Variants in ZNF483 observed in about 807,000 individuals in gnomAD.
The protein encoded by ZNF483 is zinc finger protein 483, also known as zinc finger protein HIT-10.
ZNF483 carries 9 observed loss-of-function variants against 28.6 expected under a neutral mutation model. That is an observed-to-expected ratio of 0.32 (90% CI 0.19 to 0.55). The LOEUF (loss-of-function observed/expected upper bound fraction) is 0.55. ZNF483 is among the 20% of genes least tolerant of loss of function. The pLI is 0.93. For synonymous variants in ZNF483, 322 were observed against 306.2 expected, an observed-to-expected ratio of 1.05 and a Z score of -0.54; for missense variants, 675 against 871.7, an observed-to-expected ratio of 0.77 and a Z score of 2.84.
rs542300305 is a variant in ZNF483 at position 111,552,828 on chromosome 9, C to G, written c.*9658C>G. Among the ~76,000 whole-genome samples the G allele has an allele frequency of 6.6e-6, 1 of 152,188 alleles. No individual in the cohort carries two copies. The highest frequency in any genetic ancestry group is 1.9e-4 in the East Asian group (1 of 5,192). ...AATATTCTATTAGCAAAAATATATT[C>G]TGTTCATGTATATCCAAGAGCAAAA... On this transcript the variant is annotated 3_prime_UTR_variant, in exon 6 of 6. Coordinates refer to ENST00000309235, the MANE Select transcript of ZNF483 (RefSeq NM_133464.5).
chr9:111,561,764 G>A (rs756599033), intron 5 of ZNF483, among the ~76,000 whole-genome samples: 58 of 151,246 alleles, frequency 3.8e-4, no homozygotes, highest in Non-Finnish European at 5.3e-4. Context: ...ATTTCTTCTG[G>A]CATAATCACA....
intron 4 of ZNF483, among the ~76,000 whole-genome samples, 179 bp from the exon 5 acceptor site, chr9:111,534,082 A>G (rs1199109252): frequency 6.6e-6 from 1 of 152,198 alleles, no homozygotes; most frequent in Non-Finnish European, 1.5e-5. Flanking sequence ...GTGAAGCATC[A>G]TTTTGATTTC....
At chr9:111,555,655 A>G (rs183818880), downstream of ZNF483, among the ~76,000 whole-genome samples, 99 of 152,264 alleles carry the variant, frequency 6.5e-4, 5 homozygotes, top group East Asian at 0.018. Context: ...ACATCTTCAC[A>G]TGGCAGCAGG....
At chr9:111,575,132 C>A (rs1281770962) in intron 5 of ZNF483, among the ~76,000 whole-genome samples, 2 of 152,092 alleles carry the variant, frequency 1.3e-5, no homozygotes, top group Non-Finnish European at 2.9e-5. Flanking sequence ...AAAATCCTGT[C>A]TCTACTAAAG....
chr9:111,576,474 C>T, exon 6 of ZNF483: 1 of 1,609,604 alleles, frequency 6.2e-7, no homozygotes, highest in Non-Finnish European at 8.5e-7. Flanking sequence ...GATGGGGCCA[C>T]TGCAGTGCAG....
chr9:111,559,696 G>C (rs1828220559), downstream of ZNF483, among the ~76,000 whole-genome samples: 1 of 152,044 alleles, frequency 6.6e-6, no homozygotes, highest in Admixed American at 6.6e-5. Context: ...CAGGCAGCCA[G>C]CCTCGGTGCA....
At chr9:111,561,402 A>G (rs1387840922) in intron 5 of ZNF483, among the ~76,000 whole-genome samples, 1 of 152,002 alleles carries the variant, frequency 6.6e-6, no homozygotes, top group African/African-American at 2.4e-5. Context: ...CAGCCTCCCA[A>G]GTAGCTGGGA....
chr9:111,553,968 G>A lies in ZNF483; in HGVS notation c.*10798G>A, dbSNP rs1047994925. ...CTGTGTGGAGCACATAACTTCCAACGTCCCAGAGGCAGGGAAAGGAAGAAC... is the reference window on the plus strand; with the variant it reads ...CTGTGTGGAGCACATAACTTCCAACATCCCAGAGGCAGGGAAAGGAAGAAC... On this transcript the variant is annotated 3_prime_UTR_variant, in exon 6 of 6. Transcript: ENST00000309235. Among the ~76,000 whole-genome samples, 11 of 152,152 alleles carry A rather than the reference G, an allele frequency of 7.2e-5. No homozygotes were observed. The highest frequency in any genetic ancestry group is 1.0e-4 in the Non-Finnish European group (7 of 68,034).
rs181916993 is a variant in ZNF483 at position 111,551,469 on chromosome 9, G to T, written c.*8299G>T. Among the ~76,000 whole-genome samples, 2 of 130,308 alleles carry T rather than the reference G, an allele frequency of 1.5e-5. No homozygotes were observed. The highest frequency in any genetic ancestry group is 8.9e-5 in the Admixed American group (1 of 11,174). 85.5% of individuals were successfully genotyped at this position (130,308 alleles called of 152,430 possible). A position where few individuals can be genotyped will look rare whatever the true frequency, so the allele number is the denominator to read the frequency against. On this transcript the variant is annotated 3_prime_UTR_variant, in exon 6 of 6. Transcript: ENST00000309235. The stretch of plus-strand genomic sequence containing the variant: ...GTTGCCCAGGCTGGAGTGCAGTGGC[G>T]CAATCTTGGTCCACTGCAACCTCCG...
intron 3 of ZNF483, among the ~76,000 whole-genome samples, chr9:111,531,341 T>A (rs887194133): frequency 1.3e-5 from 2 of 151,412 alleles, no homozygotes; most frequent in African/African-American, 4.9e-5. Context: ...GTTACCACTA[T>A]TAAAATTAGT....
chr9:111,536,355 T>TA (rs1287924725), intron 5 of ZNF483, among the ~76,000 whole-genome samples: 1 of 150,298 alleles, frequency 6.7e-6, no homozygotes, highest in Non-Finnish European at 1.5e-5. Flanking sequence ...CCGTCTCTAC[T>TA]AAAAATACAA....
intron 1 of ZNF483, among the ~76,000 whole-genome samples, chr9:111,525,856 G>A (rs1196859037): frequency 6.6e-6 from 1 of 152,090 alleles, no homozygotes; most frequent in Non-Finnish European, 1.5e-5. Context: ...TGTGTGCCGG[G>A]CGCTGTACTC....
Position 111,549,622 on chromosome 9 carries a change from T to C in ZNF483, c.*6452T>C. ...GCTTTGCTAAACCTACCTGTAGCTCTTCTGGGGCAGCGGTCGTGGTGGTGG... is the reference window on the plus strand; with the variant it reads ...GCTTTGCTAAACCTACCTGTAGCTCCTCTGGGGCAGCGGTCGTGGTGGTGG... On this transcript the variant is annotated 3_prime_UTR_variant, in exon 6 of 6. Coordinates refer to ENST00000309235, the MANE Select transcript of ZNF483 (RefSeq NM_133464.5). 9.7e-7 allele frequency: 1 copy of C among 1,027,800 alleles called. No homozygotes were observed. Among genetic ancestry groups the C allele is most frequent in the Non-Finnish European group, 1.4e-6 (1 of 698,772 alleles). 63.7% of individuals were successfully genotyped at this position (1,027,800 alleles called of 1,614,324 possible).
intron 2 of ZNF483, 94 bp from the exon 3 acceptor site, chr9:111,530,781 A>ATATATATATG (rs1827315526): frequency 1.3e-5 from 1 of 78,656 alleles, no homozygotes; most frequent in Non-Finnish European, 2.6e-5. Flanking sequence ...ATATATATAT[A>ATATATATATG]TATATATATA....
chr9:111,534,329 G>A lies in ZNF483; in HGVS notation c.697G>A (p.Glu233Lys). ...GGTTGAATTGCCATGGCTGCTGGAA[G>A]AAGTCTCAAAAAGCTCCCGACTAGG... ...KWVELPWLLE[E>K]VSKSSRLDES... Residue 233 changes from glutamate (E) to lysine (K), a missense_variant, in exon 5 of 6, where the codon GAA (glutamate) becomes AAA (lysine). Glu to Lys is a moderately conservative substitution (Grantham distance 56). Coordinates refer to ENST00000309235, the MANE Select transcript of ZNF483 (RefSeq NM_133464.5). 6.2e-7 allele frequency: 1 copy of A among 1,614,152 alleles called. No individual in the cohort carries two copies. Among genetic ancestry groups the A allele is most frequent in the Non-Finnish European group, 8.5e-7 (1 of 1,180,020 alleles).
At position 111,554,316 on chromosome 9, in the gene ZNF483, C is replaced by A. The variant is rs1221200075; in HGVS notation, c.*11146C>A. Among the ~76,000 whole-genome samples, 1 of 152,180 alleles carries A rather than the reference C, an allele frequency of 6.6e-6. No individual in the cohort carries two copies. Among genetic ancestry groups the A allele is most frequent in the Non-Finnish European group, 1.5e-5 (1 of 68,028 alleles). On this transcript the variant is annotated 3_prime_UTR_variant, in exon 6 of 6. Coordinates refer to ENST00000309235, the MANE Select transcript of ZNF483 (RefSeq NM_133464.5). ...TCAACCTCTGTCTTAGAAGTCACTT[C>A]TACTCTTCCGTTGCCCAGAGATCAA...
intron 5 of ZNF483, among the ~76,000 whole-genome samples, chr9:111,535,602 G>A (rs1454481455): frequency 1.3e-5 from 2 of 152,156 alleles, no homozygotes; most frequent in Non-Finnish European, 2.9e-5. Context: ...GGAGTGCAGT[G>A]GTGCAGTCTC....
At chr9:111,561,296 C>T (rs1479290667) in intron 5 of ZNF483, among the ~76,000 whole-genome samples, 1 of 151,406 alleles carries the variant, frequency 6.6e-6, no homozygotes, top group East Asian at 1.9e-4. Context: ...TTTTTTTAGA[C>T]ACAGGGTCTT....
At chr9:111,557,101 A>G (rs1410326901), downstream of ZNF483, among the ~76,000 whole-genome samples, 1 of 152,180 alleles carries the variant, frequency 6.6e-6, no homozygotes, top group African/African-American at 2.4e-5. Flanking sequence ...GGCTATTAAC[A>G]TTCAGCTCCT....
Sources: gnomAD v4.1 joint callset for allele counts (sites outside exome capture counted in the v4.1 genomes callset) on GRCh38, gnomAD v4.1.1 for gene constraint, MANE v1.5 for transcripts, NCBI Gene and HGNC (gene_info 2026-07-23, HGNC 2026-07-21) for gene names.